Variants in CTC1 observed in about 807,000 individuals in gnomAD.
CTC1 encodes the protein CST complex subunit CTC1.
Under a neutral mutation model 136.3 loss-of-function variants are expected in CTC1, and 91 were observed. That is an observed-to-expected ratio of 0.67 (90% CI 0.56 to 0.79). The LOEUF is 0.79. Ranked by LOEUF, CTC1 falls within the 30% of genes least tolerant of loss-of-function variation. CTC1 has a pLI of 0.00. For synonymous variants in CTC1, 606 were observed against 613.8 expected (o/e 0.99, Z 0.19); for missense variants, 1,432 against 1,498.1 (o/e 0.96, Z 0.73).
chr17:8,238,726 T>C (rs773978711), intron 2 of CTC1, 97 bp from the exon 3 acceptor site: 22 of 878,250 alleles, frequency 2.5e-5, no homozygotes, highest in Non-Finnish European at 3.5e-5. Flanking sequence ...CAGGGAAAGG[T>C]TGCAGGGAAC....
At chr17:8,239,148 C>T (rs73244861) in intron 2 of CTC1, among the ~76,000 whole-genome samples, 2,921 of 151,270 alleles carry the variant, frequency 0.019, 102 homozygotes, top group African/African-American at 0.067. Flanking sequence ...AGTCCAATTC[C>T]GTGCTGAATA....
At position 8,225,440 on chromosome 17, in the gene CTC1, GC is replaced by G. The variant is rs2151489808; in HGVS notation, c.*2739del. 1 of 152,326 alleles carries G rather than the reference GC, an allele frequency of 6.6e-6. No individual in the cohort carries two copies. The highest frequency in any genetic ancestry group is 1.9e-4 in the East Asian group (1 of 5,188). 9.4% of individuals were successfully genotyped at this position (152,326 alleles called of 1,614,324 possible). A position where few individuals can be genotyped will look rare whatever the true frequency, so the allele number is the denominator to read the frequency against. The stretch of plus-strand genomic sequence containing the variant: ...CATGGAATGGTGTCGAGAGCTTTCT[GC>G]CTATCTTCCAAGGAGGTTTAGGTCC... On this transcript the variant is annotated 3_prime_UTR_variant, in exon 23 of 23. Coordinates refer to ENST00000651323, the MANE Select transcript of CTC1 (RefSeq NM_025099.6).
In CTC1 at chr17:8,233,042, G is replaced by A. The variant is rs974296359; in HGVS notation, c.1819-10C>T. The A allele has an allele frequency of 6.2e-7, 1 of 1,613,608 alleles. No individual in the cohort carries two copies. Among genetic ancestry groups the A allele is most frequent in the Non-Finnish European group, 8.5e-7 (1 of 1,179,648 alleles). On this transcript the variant is annotated splice_polypyrimidine_tract_variant and intron_variant, in intron 10 of 22. Coordinates refer to ENST00000651323, the MANE Select transcript of CTC1 (RefSeq NM_025099.6). The stretch of plus-strand genomic sequence containing the variant: ...GAACCCCAAGTAAAACCTGCAAGAA[G>A]ATGAAGGTTGAGTTATCAAATGTTT...
At chr17:8,230,505 A>G (rs1987125146) in intron 16 of CTC1, 37 bp from the exon 17 acceptor site, 5 of 1,613,436 alleles carry the variant, frequency 3.1e-6, no homozygotes, top group Non-Finnish European at 4.2e-6. Context: ...GGATCTGTGA[A>G]GTCCACAAAG....
rs1411356677 is a variant in CTC1 at position 8,238,562 on chromosome 17, T to C, written c.265A>G (p.Ser89Gly). ...LPCCSHLSWS[S>G]SAYQAWAQEA... The stretch of plus-strand genomic sequence containing the variant: ...TGGGCCCAGGCCTGGTATGCACTAC[T>C]GCTCCACGACAGGTGGCTGCAGCAT... Residue 89 changes from serine to glycine, a missense_variant, in exon 3 of 23, where the codon AGT becomes GGT. Coordinates refer to ENST00000651323, the MANE Select transcript of CTC1 (RefSeq NM_025099.6). 1.9e-6 allele frequency: 3 copies of C among 1,614,036 alleles called. No individual in the cohort carries two copies. Among genetic ancestry groups the C allele is most frequent in the Non-Finnish European group, 2.5e-6 (3 of 1,180,014 alleles).
chr17:8,243,841 G>C (rs1205381247), intron 1 of CTC1, among the ~76,000 whole-genome samples: 2 of 152,240 alleles, frequency 1.3e-5, no homozygotes, highest in African/African-American at 4.8e-5. Context: ...GGAGGCCAAA[G>C]AGGGTGGATT....
At position 8,232,048 on chromosome 17, in the gene CTC1, CA is replaced by C; in HGVS notation, c.2239del (p.Cys747ValfsTer74). 6.4e-7 allele frequency: 1 copy of C among 1,573,250 alleles called. No homozygotes were observed. The highest frequency in any genetic ancestry group is 8.6e-7 in the Non-Finnish European group (1 of 1,164,508). On this transcript the variant is annotated frameshift_variant, in exon 13 of 23. Transcript: ENST00000651323. LOFTEE classifies it high-confidence loss of function. ...HKEALMKRNF[C>X]VPPGASPEVP... ...CTCTGGACTTGCTCCTGGGGGGACA[CA>C]AAAATTACGCTTCATGAGGGCCTCC...
intron 5 of CTC1, among the ~76,000 whole-genome samples, chr17:8,237,027 G>A (rs1306715736): frequency 7.4e-6 from 1 of 134,296 alleles, no homozygotes; most frequent in Non-Finnish European, 1.6e-5. Context: ...AGAGTCAACA[G>A]TAAGTACCAA....
At chr17:8,246,467 ACC>A (rs1988717632) in intron 1 of CTC1, among the ~76,000 whole-genome samples, 2 of 151,960 alleles carry the variant, frequency 1.3e-5, no homozygotes, top group African/African-American at 4.8e-5. Flanking sequence ...TTTCCACAAA[ACC>A]CTGTCCTTTT....
At position 8,226,980 on chromosome 17, in the gene CTC1, A is replaced by G. The variant is rs80097010; in HGVS notation, c.*1200T>C. ...CAGAAAACAAAACACACACAAAAAA[A>G]AGCCACCCACTGGCCCGTACGGGGT... On this transcript the variant is annotated 3_prime_UTR_variant, in exon 23 of 23. Transcript: ENST00000651323. The G allele has an allele frequency of 3.3e-3, 504 of 152,592 alleles. 9 individuals are homozygous for G. Among genetic ancestry groups the G allele is most frequent in the East Asian group, 0.026 (136 of 5,178 alleles). 9.5% of individuals were successfully genotyped at this position (152,592 alleles called of 1,614,324 possible). A position where few individuals can be genotyped will look rare whatever the true frequency, so the allele number is the denominator to read the frequency against.
At chr17:8,242,860 T>G in intron 2 of CTC1, 125 bp downstream of exon 2, 1 of 796,874 alleles carries the variant, frequency 1.3e-6, no homozygotes, top group Non-Finnish European at 1.9e-6. Context: ...AAGGGGTATG[T>G]TTAGACTACC....
At chr17:8,237,290 T>A in intron 5 of CTC1, 85 bp downstream of exon 5, 3 of 1,487,250 alleles carry the variant, frequency 2.0e-6, no homozygotes, top group Non-Finnish European at 2.8e-6. Context: ...CTTTCCTACA[T>A]GGCTCCTCCT....
At chr17:8,247,897 G>T in intron 1 of CTC1, 107 bp downstream of exon 1, 1 of 1,185,278 alleles carries the variant, frequency 8.4e-7, no homozygotes, top group Non-Finnish European at 1.2e-6. Context: ...CCCATGGGCC[G>T]GACGCGGCCA....
In CTC1 at chr17:8,245,988, T is replaced by G. The variant is rs371996169; in HGVS notation, c.33+2016A>C. Among the ~76,000 whole-genome samples the G allele has an allele frequency of 3.3e-3, 376 of 115,336 alleles. 6 individuals are homozygous for G. In the South Asian group the frequency reaches 0.036, roughly 11 times the overall value. 75.7% of individuals were successfully genotyped at this position (115,336 alleles called of 152,430 possible). ...GGAGGCTGAGGTGGGAGGATCACCTTAGCCTGGGAAGGTTGAGACCCGCCT... is the reference window on the plus strand; with the variant it reads ...GGAGGCTGAGGTGGGAGGATCACCTGAGCCTGGGAAGGTTGAGACCCGCCT... On this transcript the variant is annotated intron_variant, in intron 1 of 22. Coordinates refer to ENST00000651323, the MANE Select transcript of CTC1 (RefSeq NM_025099.6).
rs769122339 is a variant in CTC1, at chr17:8,231,972, GC to G, written c.2315del (p.Gly772AlafsTer49). 1 of 1,610,874 alleles carries G rather than the reference GC, an allele frequency of 6.2e-7. No homozygotes were observed. Among genetic ancestry groups the G allele is most frequent in the Admixed American group, 1.7e-5 (1 of 59,390 alleles). ...ATCCAGTACCCTCCTTCCTCTGGGT[GC>G]CCCCAAGCCAGCTCCCCAACACATA... is the stretch of plus-strand genomic sequence containing the variant. ...SFYVLGSWLG[G>X]TQRKEGTGWG... On this transcript the variant is annotated frameshift_variant, in exon 13 of 23. Transcript: ENST00000651323. LOFTEE classifies it high-confidence loss of function.
rs1567613669 is a variant in CTC1 at position 8,238,086 on chromosome 17, CG to C, written c.591del (p.Val198SerfsTer33). On this transcript the variant is annotated frameshift_variant, in exon 4 of 23. Transcript: ENST00000651323. LOFTEE classifies it high-confidence loss of function. The stretch of plus-strand genomic sequence containing the variant: ...GGGTAGAGGACAGGGATAGGCGTGA[CG>C]GGGCCAGGACTGATGGTCAAAGGAA... ...PVFPLTISPG[P>X]VTPIPVLYPE... is the part of the protein sequence containing the mutation. The C allele has an allele frequency of 1.2e-6, 2 of 1,614,110 alleles. No individual in the cohort carries two copies. Among genetic ancestry groups the C allele is most frequent in the East Asian group, 4.5e-5 (2 of 44,886 alleles).
At position 8,234,907 on chromosome 17, in the gene CTC1, T is replaced by C. The variant is rs747887601; in HGVS notation, c.1459A>G (p.Arg487Gly). ...LACKLCPHVL[R>G]HHQFLQHSSP... ...GAATGTTGCAGGAACTGGTGGTGTCTCAGCACATGGGGACACAGCCTTGGC... is the reference window on the plus strand; with the variant it reads ...GAATGTTGCAGGAACTGGTGGTGTCCCAGCACATGGGGACACAGCCTTGGC... Residue 487 changes from arginine (R) to glycine (G), a missense_variant, in exon 9 of 23, where the codon AGA becomes GGA. Physicochemically the swap from Arg to Gly is moderately radical, Grantham distance 125 (BLOSUM62 -2). Transcript: ENST00000651323. 1 of 1,605,242 alleles carries C rather than the reference T, an allele frequency of 6.2e-7. No individual in the cohort carries two copies. The highest frequency in any genetic ancestry group is 8.5e-7 in the Non-Finnish European group (1 of 1,175,520).
chr17:8,238,461 T>C lies in CTC1; in HGVS notation c.366A>G (p.Ala122=), dbSNP rs73244859. 6,101 of 1,614,188 alleles carry C rather than the reference T, an allele frequency of 3.8e-3. 190 individuals are homozygous for C. The African/African-American group carries it at 0.069, about 18-fold the overall frequency. ...CGTTCCTGCACTCTTGTTCCAAGTC[T>C]GCCGATAGGTCTGTTAGTGTCCCTA... is the stretch of plus-strand genomic sequence containing the variant. ...LLLGTLTDLS[A]DLEQECRNGS... is the part of the protein sequence containing the mutation. The change falls in exon 3 of 23, where the codon GCA becomes GCG. Residue 122 remains alanine (A), a synonymous_variant. Coordinates refer to ENST00000651323, the MANE Select transcript of CTC1 (RefSeq NM_025099.6).
intron 7 of CTC1, 24 bp downstream of exon 7, chr17:8,235,807 G>A: frequency 6.4e-7 from 1 of 1,564,964 alleles, no homozygotes; most frequent in South Asian, 1.1e-5. Flanking sequence ...GTCTCTTTTT[G>A]TTATCAGCCC....
Sources: gnomAD v4.1 joint callset for allele counts (sites outside exome capture counted in the v4.1 genomes callset) on GRCh38, gnomAD v4.1.1 for gene constraint, MANE v1.5 for transcripts, NCBI Gene and HGNC (gene_info 2026-07-23, HGNC 2026-07-21) for gene names.